The following PPP2R2B variants were observed in gnomAD, a reference collection of about 807,000 sequenced individuals.
PPP2R2B encodes the protein serine/threonine-protein phosphatase 2A 55 kDa regulatory subunit B beta isoform.
A neutral mutation model predicts 46.0 loss-of-function variants in PPP2R2B; 5 were observed. That is an observed-to-expected ratio of 0.11 (90% CI 0.06 to 0.23). The LOEUF is 0.23. Ranked by LOEUF, PPP2R2B falls within the 10% of genes least tolerant of loss-of-function variation. PPP2R2B has a pLI of 1.00. For missense variants in PPP2R2B, 367 were observed against 575.0 expected, an observed-to-expected ratio of 0.64 and a Z score of 3.70; for synonymous variants, 215 against 206.7, an observed-to-expected ratio of 1.04 and a Z score of -0.34.
At chr5:146,983,329 C>T (rs1163000265) in intron 1 of PPP2R2B, among the ~76,000 whole-genome samples, 12 of 151,478 alleles carry the variant, frequency 7.9e-5, no homozygotes, top group African/African-American at 1.7e-4. Flanking sequence ...TACAGGCGTC[C>T]GCCACCACGC....
intron 2 of PPP2R2B, among the ~76,000 whole-genome samples, chr5:146,718,068 T>C (rs1780594159): frequency 6.6e-6 from 1 of 152,172 alleles, no homozygotes; most frequent in South Asian, 2.1e-4. Flanking sequence ...GTCTCCCTTG[T>C]AAGACTACAT....
intron 2 of PPP2R2B, among the ~76,000 whole-genome samples, chr5:146,805,720 C>T (rs1015121385): frequency 2.0e-5 from 3 of 152,040 alleles, no homozygotes; most frequent in Non-Finnish European, 2.9e-5. Context: ...GTAAATGATA[C>T]CTTACTGGCT....
chr5:146,778,188 A>G (rs1755303350), intron 2 of PPP2R2B, among the ~76,000 whole-genome samples: 1 of 152,176 alleles, frequency 6.6e-6, no homozygotes, highest in African/African-American at 2.4e-5. Flanking sequence ...TGATGTCTCT[A>G]CTGAAAATAT....
At chr5:146,745,046 C>A (rs934172804) in intron 2 of PPP2R2B, among the ~76,000 whole-genome samples, 6 of 151,982 alleles carry the variant, frequency 3.9e-5, no homozygotes, top group African/African-American at 1.5e-4. Flanking sequence ...TGACCAAAAC[C>A]CTTTAGTTGC....
In PPP2R2B at chr5:146,886,824, T is replaced by C. The variant is rs1326244480; in HGVS notation, c.79+168841A>G. ...TTTAGATTATCATTTTAAACTTTTT[T>C]AGTAAAAAAAAAAAATAAGTATTTT... On this transcript the variant is annotated intron_variant, in intron 1 of 8. Coordinates refer to the PPP2R2B transcript ENST00000336640. Among the ~76,000 whole-genome samples the C allele has an allele frequency of 2.0e-5, 3 of 149,906 alleles. No individual in the cohort carries two copies. In the East Asian group the frequency reaches 5.8e-4, roughly 29 times the overall value.
At chr5:146,866,417 C>T (rs1208837221) in intron 2 of PPP2R2B, among the ~76,000 whole-genome samples, 1 of 152,112 alleles carries the variant, frequency 6.6e-6, no homozygotes, top group African/African-American at 2.4e-5. Context: ...TTCTCTAAGC[C>T]TCAGTTTTAT....
chr5:146,775,877 A>T (rs1755150792), intron 2 of PPP2R2B, among the ~76,000 whole-genome samples: 1 of 152,198 alleles, frequency 6.6e-6, no homozygotes, highest in South Asian at 2.1e-4. Context: ...CGCTGTTTAC[A>T]ATAGCATAAA....
chr5:146,710,725 G>A (rs563341221), intron 2 of PPP2R2B, among the ~76,000 whole-genome samples: 11 of 152,312 alleles, frequency 7.2e-5, no homozygotes, highest in African/African-American at 1.9e-4. Context: ...TCTATTATCC[G>A]CACAACATGG....
intron 2 of PPP2R2B, among the ~76,000 whole-genome samples, chr5:146,847,236 A>G (rs958535616): frequency 6.6e-6 from 1 of 152,132 alleles, no homozygotes; most frequent in Non-Finnish European, 1.5e-5. Context: ...ACCTGCCTGT[A>G]GTTGTCCACT....
chr5:146,775,554 A>G (rs1257150817), intron 2 of PPP2R2B, among the ~76,000 whole-genome samples: 2 of 152,130 alleles, frequency 1.3e-5, no homozygotes, highest in African/African-American at 4.8e-5. Flanking sequence ...GTCTGCTTTT[A>G]TCACTTATAT....
At chr5:146,773,563 A>G (rs1028303945) in intron 2 of PPP2R2B, among the ~76,000 whole-genome samples, 10 of 152,376 alleles carry the variant, frequency 6.6e-5, no homozygotes, top group South Asian at 6.2e-4. Context: ...CCTATCTACA[A>G]AAATAAACAT....
rs768913284 is a variant in PPP2R2B, at chr5:146,589,922, GATT to G, written c.*22_*24del. On this transcript the variant is annotated 3_prime_UTR_variant, in exon 10 of 10. Transcript: ENST00000394411. ...TGTTTGACTAGTATTCAGTATGTGA[GATT>G]ATTAAGTAATAACTTGTCCACCTAG... 4.4e-6 allele frequency: 7 copies of G among 1,602,328 alleles called. No homozygotes were observed. In the South Asian group the frequency reaches 4.4e-5, roughly 10 times the overall value.
At chr5:146,732,710 A>T (rs1752305199) in intron 2 of PPP2R2B, among the ~76,000 whole-genome samples, 1 of 152,232 alleles carries the variant, frequency 6.6e-6, no homozygotes, top group Non-Finnish European at 1.5e-5. Flanking sequence ...TATGCAAATC[A>T]ATAGAAGAGG....
chr5:146,907,014 C>T (rs1763022723), intron 1 of PPP2R2B, among the ~76,000 whole-genome samples: 1 of 152,068 alleles, frequency 6.6e-6, no homozygotes, highest in Non-Finnish European at 1.5e-5. Flanking sequence ...GGACAGAGGC[C>T]TAAAGGGAAG....
intron 2 of PPP2R2B, among the ~76,000 whole-genome samples, chr5:147,070,107 G>C (rs1389103009): frequency 6.6e-6 from 1 of 151,898 alleles, no homozygotes; most frequent in Non-Finnish European, 1.5e-5. Flanking sequence ...ATTCTTTATA[G>C]CATATGTCAT....
intron 1 of PPP2R2B, among the ~76,000 whole-genome samples, chr5:147,008,456 G>C (rs1037042978): frequency 6.6e-5 from 10 of 152,144 alleles, no homozygotes; most frequent in African/African-American, 2.4e-4. Flanking sequence ...TGTCTATGCT[G>C]TCTTTCCTCA....
At position 146,878,587 on chromosome 5, in the gene PPP2R2B, T is replaced by G; in HGVS notation, c.-125+4A>C. 1 of 1,236,658 alleles carries G rather than the reference T, an allele frequency of 8.1e-7. No homozygotes were observed. 76.6% of individuals were successfully genotyped at this position (1,236,658 alleles called of 1,614,324 possible). On this transcript the variant is annotated splice_donor_region_variant and intron_variant, in intron 1 of 9. Coordinates refer to ENST00000394411, the MANE Select transcript of PPP2R2B (RefSeq NM_181675.4). This position sits in a 1 kb window ranked among gnomAD's most constrained non-coding sequence, Gnocchi z 4.5. ...GAGATGGCAGGGACAGGATTCAGGC[T>G]TGCCTGGCCGGAATGAGGGTGCTGG...
At chr5:147,070,734 T>C (rs1302618396) in intron 2 of PPP2R2B, among the ~76,000 whole-genome samples, 4 of 152,188 alleles carry the variant, frequency 2.6e-5, no homozygotes, top group East Asian at 3.9e-4. Flanking sequence ...GCTGATACTA[T>C]TGTCGGACTA....
At chr5:146,817,663 T>C (rs1758009879) in intron 2 of PPP2R2B, among the ~76,000 whole-genome samples, 2 of 152,196 alleles carry the variant, frequency 1.3e-5, no homozygotes, top group South Asian at 4.1e-4. Flanking sequence ...TGTTGTAAAA[T>C]ATTTTTCAAA....
Sources: allele counts gnomAD v4.1 joint callset (sites outside exome capture counted in the v4.1 genomes callset), GRCh38; gene constraint gnomAD v4.1.1; non-coding constraint Gnocchi (gnomAD v3.1); transcripts MANE v1.5; gene names NCBI Gene and HGNC (gene_info 2026-07-23, HGNC 2026-07-21).